The following LAMB3 variants were observed in gnomAD, a reference collection of about 807,000 sequenced individuals.
LAMB3 encodes laminin subunit beta-3.
Under a neutral mutation model 140.3 loss-of-function variants are expected in LAMB3, and 104 were observed. The ratio of observed to expected loss-of-function variants is 0.74; its 90% confidence interval spans 0.63 to 0.87. The LOEUF (loss-of-function observed/expected upper bound fraction) is 0.87, where lower values mean the gene tolerates loss of function less well. Ranked by LOEUF, LAMB3 falls within the 40% of genes least tolerant of loss-of-function variation. The probability of loss-of-function intolerance (pLI) is 0.00; values close to 1 mark genes in which losing one functional copy is unlikely to be tolerated. For synonymous variants in LAMB3, 592 were observed against 602.9 expected (o/e 0.98, Z 0.26); for missense variants, 1,531 against 1,575.2 (o/e 0.97, Z 0.47).
intron 13 of LAMB3, 105 bp from the exon 14 acceptor site, chr1:209,626,131 G>T (rs1282105594): frequency 2.4e-6 from 3 of 1,246,852 alleles, no homozygotes; most frequent in East Asian, 2.4e-5. Flanking sequence ...CTTTCTACAT[G>T]ACTTAGAATA....
At chr1:209,641,113 A>AG (rs2076465835) in intron 3 of LAMB3, among the ~76,000 whole-genome samples, 1 of 151,548 alleles carries the variant, frequency 6.6e-6, no homozygotes, top group South Asian at 2.1e-4. Context: ...AAAAAAAAAA[A>AG]AGAAAGAAAA....
chr1:209,617,497 G>A lies in LAMB3; in HGVS notation c.3141C>T (p.Arg1047=). Residue 1047 remains arginine (R), a synonymous_variant, in exon 21 of 23, where the codon CGC becomes CGT. Transcript: ENST00000356082. ...GDFWTRMEEL[R]HQARQQGAEA... is the part of the protein sequence containing the mutation. ...CTGCCCCCTGCTGCCGGGCTTGGTG[G>A]CGGAGCTCCTCCATCCGTGTCCAGA... 6.2e-7 allele frequency: 1 copy of A among 1,614,040 alleles called. No homozygotes were observed. The highest frequency in any genetic ancestry group is 8.5e-7 in the Non-Finnish European group (1 of 1,180,050).
intron 19 of LAMB3, 52 bp from the exon 20 acceptor site, chr1:209,618,100 A>G (rs1558147593): frequency 6.2e-7 from 1 of 1,610,074 alleles, no homozygotes; most frequent in Admixed American, 1.7e-5. Context: ...TGAACAGTGA[A>G]TCAATGTGTG....
At chr1:209,639,393 G>C (rs2236894) in intron 3 of LAMB3, among the ~76,000 whole-genome samples, 11 of 151,976 alleles carry the variant, frequency 7.2e-5, no homozygotes, top group Non-Finnish European at 1.6e-4. Flanking sequence ...CATCTGGGGC[G>C]TGAGGATCTT....
chr1:209,635,388 T>TTTTGTTTG lies in LAMB3; in HGVS notation c.373-758_373-751dup, dbSNP rs111289650. On this transcript the variant is annotated intron_variant, in intron 5 of 22. Transcript: ENST00000356082. ...CTCTTACTCAGTCATATCTTCTGTT[T>TTTTGTTTG]TTTGTTTGTTTGTTTGTTTGTTTGT... 6.5e-4 allele frequency among the ~76,000 whole-genome samples: 99 copies of TTTTGTTTG among 151,668 alleles called. 2 individuals carry two copies. Among genetic ancestry groups the TTTTGTTTG allele is most frequent in the African/African-American group, 2.4e-3 (97 of 41,158 alleles).
chr1:209,640,668 T>C (rs2076460587), intron 3 of LAMB3, among the ~76,000 whole-genome samples: 1 of 152,196 alleles, frequency 6.6e-6, no homozygotes, highest in South Asian at 2.1e-4. Context: ...ACTTGACACA[T>C]TGCATATTTA....
In LAMB3 at chr1:209,626,678, C is replaced by T. The variant is rs566188024; in HGVS notation, c.1597+189G>A. 1.2e-4 allele frequency among the ~76,000 whole-genome samples: 18 copies of T among 152,378 alleles called. 1 individual carries two copies. In the South Asian group the frequency reaches 1.4e-3, roughly 12 times the overall value. ...GGGACGCAGGAACAGCGGGCATAGGCCTGCCTCAGGGGCTTGGAGGCCATG... is the reference window on the plus strand; with the variant it reads ...GGGACGCAGGAACAGCGGGCATAGGTCTGCCTCAGGGGCTTGGAGGCCATG... On this transcript the variant is annotated intron_variant, in intron 13 of 22. Transcript: ENST00000356082.
In LAMB3 at chr1:209,615,297, C is replaced by T. The variant is rs373304451; in HGVS notation, c.3493G>A (p.Val1165Met). The change falls in exon 23 of 23, where the codon GTG (valine) becomes ATG (methionine). Residue 1165 changes from valine to methionine, a missense_variant. By Grantham distance (21) the Val-to-Met change is conservative. Coordinates refer to ENST00000356082, the MANE Select transcript of LAMB3 (RefSeq NM_000228.3). ...CACTTGCAGGTGGCATAGTAGAGCACGCGCCCATTGATGTGGTCACGGATC... is the reference window on the plus strand; with the variant it reads ...CACTTGCAGGTGGCATAGTAGAGCATGCGCCCATTGATGTGGTCACGGATC... ...EQIRDHINGR[V>M]LYYATCK The T allele has an allele frequency of 9.3e-5, 150 of 1,614,016 alleles. No individual in the cohort carries two copies. Among genetic ancestry groups the T allele is most frequent in the Non-Finnish European group, 1.1e-4 (130 of 1,180,016 alleles).
In LAMB3 at chr1:209,633,075, AT is replaced by A. The variant is rs768303931; in HGVS notation, c.622del (p.Ile208PhefsTer10). ...AGAGAAGTAACCACACTGACCTTGA[AT>A]TTTTTGACTTTGAGTTGCTGGAATC... ...SGIPATQSQK[I>X]QEVGEITNLR... On this transcript the variant is annotated frameshift_variant, in exon 7 of 23. Transcript: ENST00000356082. LOFTEE classifies it high-confidence loss of function. The A allele has an allele frequency of 1.9e-6, 3 of 1,608,540 alleles. No homozygotes were observed. In the South Asian group the frequency reaches 3.3e-5, roughly 18 times the overall value.
At chr1:209,637,868 G>A (rs1269967494) in intron 5 of LAMB3, 40 bp downstream of exon 5, 4 of 1,543,394 alleles carry the variant, frequency 2.6e-6, no homozygotes, top group South Asian at 1.1e-5. Flanking sequence ...CATGGCCCAG[G>A]AGCCCCTCTC....
In LAMB3 at chr1:209,632,570, C is replaced by A. The variant is rs746155905; in HGVS notation, c.822+13G>T. On this transcript the variant is annotated intron_variant, in intron 8 of 22. Coordinates refer to ENST00000356082, the MANE Select transcript of LAMB3 (RefSeq NM_000228.3). ...TGCCCCCTTCCTCTCCCCTTCCCAC[C>A]CTAGGCTGTTACCTGCACAGCGGTG... is the stretch of plus-strand genomic sequence containing the variant. 6 of 1,612,608 alleles carry A rather than the reference C, an allele frequency of 3.7e-6. No individual in the cohort carries two copies. The Admixed American group carries it at 6.7e-5, about 18-fold the overall frequency.
At chr1:209,627,813 C>T (rs1666526590) in intron 11 of LAMB3, among the ~76,000 whole-genome samples, 1 of 152,270 alleles carries the variant, frequency 6.6e-6, no homozygotes, top group Non-Finnish European at 1.5e-5. Flanking sequence ...CACCTTCCAA[C>T]TCGGACGTGT....
At chr1:209,634,810 G>C (rs1347511470) in intron 5 of LAMB3, among the ~76,000 whole-genome samples, 172 bp from the exon 6 acceptor site, 3 of 152,122 alleles carry the variant, frequency 2.0e-5, no homozygotes, top group Non-Finnish European at 4.4e-5. Context: ...GGCCACAGAA[G>C]TTTCTCCCAG....
intron 5 of LAMB3, 89 bp from the exon 6 acceptor site, chr1:209,634,727 C>T (rs1220246142): frequency 3.5e-6 from 4 of 1,143,484 alleles, no homozygotes; most frequent in Non-Finnish European, 5.1e-6. Flanking sequence ...CTCCAGTGAA[C>T]TCGGGAGAAA....
At chr1:209,624,459 C>T (rs1441986960) in intron 14 of LAMB3, among the ~76,000 whole-genome samples, 1 of 152,220 alleles carries the variant, frequency 6.6e-6, no homozygotes, top group Non-Finnish European at 1.5e-5. Context: ...TCAGAGTCTA[C>T]CTCCCAGGCC....
chr1:209,626,311 G>A (rs1046240441), intron 13 of LAMB3, among the ~76,000 whole-genome samples: 1 of 152,166 alleles, frequency 6.6e-6, no homozygotes, highest in Non-Finnish European at 1.5e-5. Context: ...ACTTTTTCTA[G>A]ATGAGGCAAC....
chr1:209,618,625 G>A lies in LAMB3; in HGVS notation c.2736C>T (p.Val912=). The change falls in exon 19 of 23, where the codon GTC becomes GTT. Residue 912 remains valine (V), a synonymous_variant. Transcript: ENST00000356082. ...PDTDAATIQE[V]SEAVLALWLP... is the part of the protein sequence containing the mutation. ...GCCACAGGGCCAGCACGGCCTCGCT[G>A]ACCTCCTGGATAGTGGCTGCATCAG... The A allele has an allele frequency of 1.2e-6, 2 of 1,613,972 alleles. No individual in the cohort carries two copies. Among genetic ancestry groups the A allele is most frequent in the South Asian group, 1.1e-5 (1 of 91,066 alleles).
chr1:209,634,872 A>G (rs562013654), intron 5 of LAMB3, among the ~76,000 whole-genome samples: 2 of 152,134 alleles, frequency 1.3e-5, no homozygotes, highest in South Asian at 2.1e-4. Context: ...CTTCCAGGAT[A>G]GACATTTCTC....
intron 11 of LAMB3, 25 bp downstream of exon 11, chr1:209,628,010 A>G (rs1034916970): frequency 1.7e-5 from 27 of 1,584,274 alleles, no homozygotes; most frequent in African/African-American, 6.7e-5. Context: ...ACCCCACGTC[A>G]TGCTGGGCCA....
Sources: allele counts gnomAD v4.1 joint callset (sites outside exome capture counted in the v4.1 genomes callset), GRCh38; gene constraint gnomAD v4.1.1; transcripts MANE v1.5; gene names NCBI Gene and HGNC (gene_info 2026-07-23, HGNC 2026-07-21).